ZNF394: variants seen among roughly 807,000 people sequenced by gnomAD.
ZNF394 encodes the protein zinc finger protein 394.
ZNF394 carries 19 observed loss-of-function variants against 21.8 expected under a neutral mutation model. The ratio of observed to expected loss-of-function variants is 0.87; its 90% CI spans 0.61 to 1.28. The LOEUF (loss-of-function observed/expected upper bound fraction) is 1.28, where lower values mean the gene tolerates loss of function less well. Among genes scored for constraint, ZNF394 ranks in the 50% most tolerant of loss-of-function variants. The pLI is 0.00. For missense variants in ZNF394, 683 were observed against 708.6 expected, an observed-to-expected ratio of 0.96 and a Z score of 0.41; for synonymous variants, 294 against 273.3, an observed-to-expected ratio of 1.08 and a Z score of -0.75.
intron 2 of ZNF394, among the ~76,000 whole-genome samples, chr7:99,497,198 T>A (rs1800362376): frequency 6.7e-6 from 1 of 148,464 alleles, no homozygotes; most frequent in East Asian, 2.0e-4. Flanking sequence ...TCTTGCTCTG[T>A]CACCCAGGCT....
At chr7:99,493,101 T>C (rs1035833535), downstream of ZNF394, 2 of 632,404 alleles carry the variant, frequency 3.2e-6, no homozygotes, top group Non-Finnish European at 3.9e-6. Context: ...ACTGAAACTA[T>C]CAGTCTGTAA....
At chr7:99,487,518 T>C (rs763870449) in intron 1 of ZNF394, 2 of 1,583,500 alleles carry the variant, frequency 1.3e-6, no homozygotes, top group East Asian at 4.5e-5. Flanking sequence ...ATTGGAGAAC[T>C]AGAACTTATA....
Position 99,487,180 on chromosome 7 carries a change from C to T in ZNF394, n.84-217G>A, listed in dbSNP as rs755890607. ...CCTTGAGTGTGGAAAAGCCTTTGGCCGGCATTCAACCCTTCTATGTCATCA... is the reference window on the plus strand; with the variant it reads ...CCTTGAGTGTGGAAAAGCCTTTGGCTGGCATTCAACCCTTCTATGTCATCA... On this transcript the variant is annotated intron_variant and non_coding_transcript_variant, in intron 1 of 1. Transcript: ENST00000462024. 54 of 1,613,930 alleles carry T rather than the reference C, an allele frequency of 3.3e-5. No homozygotes were observed. Among genetic ancestry groups the T allele is most frequent in the African/African-American group, 6.7e-5 (5 of 74,892 alleles).
chr7:99,489,866 G>A (rs1353832032), downstream of ZNF394, among the ~76,000 whole-genome samples: 1 of 152,024 alleles, frequency 6.6e-6, no homozygotes, highest in South Asian at 2.1e-4. Flanking sequence ...TTTGCCGGGC[G>A]TGGTGGTGGG....
Position 99,486,519 on chromosome 7 carries a change from G to T in ZNF394, n.528C>A, listed in dbSNP as rs778113835. The T allele has an allele frequency of 3.7e-6, 6 of 1,613,130 alleles. No individual in the cohort carries two copies. The South Asian group carries it at 5.5e-5, about 15-fold the overall frequency. On this transcript the variant is annotated non_coding_transcript_exon_variant, in exon 2 of 2. Coordinates refer to the ZNF394 transcript ENST00000462024. ...AGATGAAAAAGCTAACTCCAAAACA[G>T]AAATTTTCTGAAGATTTAGAGTCAT...
In ZNF394 at chr7:99,494,170, G is replaced by C. The variant is rs1383983283; in HGVS notation, c.1045C>G (p.Gln349Glu). ...GGTCTTTCTTCATGGAGCTGCCTCT[G>C]GGTCTCAAAAAGGCTGGAATGATGG... Reference protein sequence around the residue: ...SFHHSSLFETQRQLHEERPYK... With the variant: ...SFHHSSLFETERQLHEERPYK... The change falls in exon 3 of 3, where the codon CAG (glutamine) becomes GAG (glutamate). Residue 349 changes from glutamine to glutamate, a missense_variant. This residue lies in a region of ZNF394 where 274 missense variants were observed against 314.1 expected (regional missense o/e 0.87). Coordinates refer to ENST00000337673, the MANE Select transcript of ZNF394 (RefSeq NM_032164.4). 6 of 1,614,200 alleles carry C rather than the reference G, an allele frequency of 3.7e-6. No homozygotes were observed. Among genetic ancestry groups the C allele is most frequent in the Non-Finnish European group, 5.1e-6 (6 of 1,180,034 alleles).
chr7:99,498,605 C>G, intron 2 of ZNF394, 111 bp downstream of exon 2: 1 of 1,513,290 alleles, frequency 6.6e-7, no homozygotes, highest in South Asian at 1.2e-5. Flanking sequence ...CAGAAGGCAC[C>G]TGAAGGCTCT....
intron 2 of ZNF394, chr7:99,497,822 A>G (rs1800385698): frequency 6.6e-6 from 1 of 152,190 alleles, no homozygotes; most frequent in Non-Finnish European, 1.5e-5. Context: ...AGACCACACC[A>G]CTGCACTCCC....
chr7:99,498,834 C>T lies in ZNF394; in HGVS notation c.465G>A (p.Val155=). 1.2e-6 allele frequency: 2 copies of T among 1,612,962 alleles called. No individual in the cohort carries two copies. Among genetic ancestry groups the T allele is most frequent in the South Asian group, 1.1e-5 (1 of 90,960 alleles). The change falls in exon 2 of 3, where the codon GTG becomes GTA. Residue 155 remains valine, a synonymous_variant. Coordinates refer to ENST00000337673, the MANE Select transcript of ZNF394 (RefSeq NM_032164.4). ...ALDGTSSQGM[V]TFEDTAVSLT... is the part of the protein sequence containing the mutation. ...GAGACACAGCCGTGTCCTCGAAAGT[C>T]ACCATCCCCTGGAACAACACAAGAG... is the stretch of plus-strand genomic sequence containing the variant.
chr7:99,490,069 C>A (rs1453645241), downstream of ZNF394, among the ~76,000 whole-genome samples: 1 of 151,708 alleles, frequency 6.6e-6, no homozygotes, highest in Non-Finnish European at 1.5e-5. Flanking sequence ...ATCCCCAACA[C>A]TTTGGGATGC....
rs765039143 is a variant in ZNF394, at chr7:99,494,200, T to G, written c.1015A>C (p.Ser339Arg). The G allele has an allele frequency of 8.7e-6, 14 of 1,614,258 alleles. No individual in the cohort carries two copies. The highest frequency in any genetic ancestry group is 1.2e-5 in the Non-Finnish European group (14 of 1,180,040). The change falls in exon 3 of 3, where the codon AGT (serine) becomes CGT (arginine). Residue 339 changes from serine to arginine, a missense_variant. Physicochemically the swap from Ser to Arg is moderately radical, Grantham distance 110 (BLOSUM62 -1). This residue lies in a region of ZNF394 where 274 missense variants were observed against 314.1 expected (regional missense o/e 0.87). Coordinates refer to ENST00000337673, the MANE Select transcript of ZNF394 (RefSeq NM_032164.4). ...LKPHKSDSGDSFHHSSLFETQ... is the reference protein window; with the variant it reads ...LKPHKSDSGDRFHHSSLFETQ... ...TCAAAAAGGCTGGAATGATGGAAACTGTCTCCACTGTCAGACTTGTGAGGT... is the reference window on the plus strand; with the variant it reads ...TCAAAAAGGCTGGAATGATGGAAACGGTCTCCACTGTCAGACTTGTGAGGT...
At position 99,493,870 on chromosome 7, in the gene ZNF394, C is replaced by T. The variant is rs760089445; in HGVS notation, c.1345G>A (p.Glu449Lys). Reference sequence around the variant, plus strand: ...AAAAGGTTGGAAATATGACAGGTTTCCCCGCATTCCTCACATTTAAAATGT... The same window carrying T: ...AAAAGGTTGGAAATATGACAGGTTTTCCCGCATTCCTCACATTTAAAATGT... ...DKHFKCEECG[E>K]TCHISNLFRH... The change falls in exon 3 of 3, where the codon GAA becomes AAA. Residue 449 changes from glutamate to lysine, a missense_variant. By Grantham distance (56) the Glu-to-Lys change is moderately conservative (BLOSUM62 1). Transcript: ENST00000337673. 3 of 1,614,150 alleles carry T rather than the reference C, an allele frequency of 1.9e-6. No homozygotes were observed. Among genetic ancestry groups the T allele is most frequent in the Non-Finnish European group, 2.5e-6 (3 of 1,180,034 alleles).
chr7:99,498,929 T>G (rs374114915), intron 1 of ZNF394, 87 bp from the exon 2 acceptor site: 1 of 1,485,132 alleles, frequency 6.7e-7, no homozygotes. Context: ...ACAAGGGAGT[T>G]TGGAGAGATC....
intron 1 of ZNF394, chr7:99,487,396 C>T (rs770645164): frequency 2.9e-5 from 47 of 1,614,120 alleles, no homozygotes; most frequent in Non-Finnish European, 3.3e-5. Context: ...TGGAAGCCAA[C>T]CCTACCAATG....
chr7:99,487,033 C>A, intron 1 of ZNF394: 1 of 1,614,010 alleles, frequency 6.2e-7, no homozygotes, highest in Non-Finnish European at 8.5e-7. Context: ...TCTTGTTGAA[C>A]ATAAGAGGAT....
rs571722142 is a variant in ZNF394, at chr7:99,498,867, C to T, written c.457-25G>A. 6.0e-5 allele frequency: 97 copies of T among 1,604,002 alleles called. 1 individual carries two copies. In the South Asian group the frequency reaches 1.0e-3, roughly 17 times the overall value. On this transcript the variant is annotated intron_variant, in intron 1 of 2. Transcript: ENST00000337673. ...CCTGGAACAACACAAGAGCCCCATT[C>T]AGTACCTGCTGTCCCTGTACAGCAC...
chr7:99,495,513 C>T (rs528518067), intron 2 of ZNF394, among the ~76,000 whole-genome samples: 13 of 149,546 alleles, frequency 8.7e-5, no homozygotes, highest in Admixed American at 3.3e-4. Context: ...TTAGTGGGGA[C>T]GAGGTTTCAC....
At chr7:99,491,611 A>G (rs1800161280), downstream of ZNF394, among the ~76,000 whole-genome samples, 1 of 151,696 alleles carries the variant, frequency 6.6e-6, no homozygotes, top group African/African-American at 2.4e-5. Context: ...CCCTGTCTCT[A>G]CTACACTACA....
intron 1 of ZNF394, chr7:99,487,510 T>TGGAGAACTAGAACTTATAA (rs1562890111): frequency 6.3e-7 from 1 of 1,593,898 alleles, no homozygotes; most frequent in East Asian, 2.2e-5. Context: ...AAGCAGTCAT[T>TGGAGAACTAGAACTTATAA]GGAGAACTAG....
Sources: allele counts gnomAD v4.1 joint callset (sites outside exome capture counted in the v4.1 genomes callset), GRCh38; gene constraint gnomAD v4.1.1; regional missense constraint gnomAD v4.1.1; transcripts MANE v1.5; gene names NCBI Gene and HGNC (gene_info 2026-07-23, HGNC 2026-07-21).